GFOD1: variants seen among roughly 807,000 people sequenced by gnomAD.
GFOD1 encodes the protein Gfo/Idh/MocA-like oxidoreductase domain containing 1.
Under a neutral mutation model 25.4 loss-of-function variants are expected in GFOD1, and 9 were observed. That is an observed-to-expected ratio of 0.35 (90% CI 0.21 to 0.62). The LOEUF is 0.62. GFOD1 is among the 20% of genes least tolerant of loss of function. GFOD1 has a pLI of 0.72. For synonymous variants in GFOD1, 253 were observed against 245.6 expected (o/e 1.03, Z -0.28); for missense variants, 403 against 556.9 (o/e 0.72, Z 2.78).
At chr6:13,434,707 A>G (rs1313347018) in intron 1 of GFOD1, among the ~76,000 whole-genome samples, 1 of 152,240 alleles carries the variant, frequency 6.6e-6, no homozygotes, top group East Asian at 1.9e-4. Context: ...AGCAAAACAT[A>G]AAAGACCAGT....
At chr6:13,470,291 T>C in intron 1 of GFOD1, 3 of 1,587,364 alleles carry the variant, frequency 1.9e-6, no homozygotes, top group Non-Finnish European at 2.6e-6. Context: ...GCCAGCAGGC[T>C]GTGGCTGGAG....
At chr6:13,457,236 C>T (rs771513326) in intron 1 of GFOD1, among the ~76,000 whole-genome samples, 43 of 152,186 alleles carry the variant, frequency 2.8e-4, no homozygotes, top group Admixed American at 9.2e-4. Flanking sequence ...GAGAGGTGAC[C>T]TGGACTTTCT....
intron 1 of GFOD1, among the ~76,000 whole-genome samples, chr6:13,384,808 A>T (rs1000812090): frequency 1.3e-5 from 2 of 152,268 alleles, no homozygotes; most frequent in South Asian, 4.1e-4. Flanking sequence ...TGCCTCTTAA[A>T]GGGCTTTTGC....
chr6:13,372,941 C>T (rs192873996), intron 1 of GFOD1, among the ~76,000 whole-genome samples: 1 of 152,240 alleles, frequency 6.6e-6, no homozygotes, highest in Admixed American at 6.5e-5. Flanking sequence ...GCTGTCCCAG[C>T]AGATTGGCAG....
Position 13,364,584 on chromosome 6 carries a change from A to G in GFOD1, c.*159T>C. 1 of 652,790 alleles carries G rather than the reference A, an allele frequency of 1.5e-6. No homozygotes were observed. The highest frequency in any genetic ancestry group is 1.8e-5 in the African/African-American group (1 of 54,952). 40.4% of individuals were successfully genotyped at this position (652,790 alleles called of 1,614,324 possible). ...CCAACAGTCTGGTTTGGGGTCGGTCACCGGGATTGGAGTTTACCTTCCTAG... is the reference window on the plus strand; with the variant it reads ...CCAACAGTCTGGTTTGGGGTCGGTCGCCGGGATTGGAGTTTACCTTCCTAG... On this transcript the variant is annotated 3_prime_UTR_variant, in exon 2 of 2. Transcript: ENST00000379287. This position sits in a 1 kb window ranked among gnomAD's most constrained non-coding sequence, Gnocchi z 4.1.
rs574044436 is a variant in GFOD1 at position 13,362,288 on chromosome 6, C to T, written c.*2455G>A. On this transcript the variant is annotated 3_prime_UTR_variant, in exon 2 of 2. Coordinates refer to ENST00000379287, the MANE Select transcript of GFOD1 (RefSeq NM_018988.4). Reference sequence around the variant, plus strand: ...CCATGCTGGCTAATACAGTGAAACCCCGTCTCTACTAAAAATACAAAAAAT... The same window carrying T: ...CCATGCTGGCTAATACAGTGAAACCTCGTCTCTACTAAAAATACAAAAAAT... 2.0e-5 allele frequency: 3 copies of T among 152,012 alleles called. No individual in the cohort carries two copies. The highest frequency in any genetic ancestry group is 4.4e-5 in the Non-Finnish European group (3 of 68,012). The allele number at this position is 152,012 out of a possible 1,614,324, so 9.4% of individuals were successfully genotyped here. A position where few individuals can be genotyped will look rare whatever the true frequency, so the allele number is the denominator to read the frequency against.
chr6:13,447,675 A>T (rs546709119), intron 1 of GFOD1, among the ~76,000 whole-genome samples: 6 of 123,606 alleles, frequency 4.9e-5, no homozygotes. Context: ...CGGGAGGTAG[A>T]GGTTGCAGAG....
In GFOD1 at chr6:13,478,595, C is replaced by T. The variant is rs114699010; in HGVS notation, c.253+8043G>A. 4.3e-3 allele frequency among the ~76,000 whole-genome samples: 652 copies of T among 152,342 alleles called. 5 individuals are homozygous for T. The highest frequency in any genetic ancestry group is 0.013 in the African/African-American group (556 of 41,570). Reference sequence around the variant, plus strand: ...GCATTTGGTCATGTATCCCCCACACCGTGGGTAACCACAGGAAAGACTGAG... The same window carrying T: ...GCATTTGGTCATGTATCCCCCACACTGTGGGTAACCACAGGAAAGACTGAG... On this transcript the variant is annotated intron_variant, in intron 1 of 1. Coordinates refer to ENST00000379287, the MANE Select transcript of GFOD1 (RefSeq NM_018988.4).
chr6:13,486,561 A>G lies in GFOD1; in HGVS notation c.253+77T>C, dbSNP rs1296133126. 2.4e-6 allele frequency: 3 copies of G among 1,239,478 alleles called. No homozygotes were observed. In the African/African-American group the frequency reaches 4.4e-5, roughly 18 times the overall value. The allele number at this position is 1,239,478 out of a possible 1,614,324, so 76.8% of individuals were successfully genotyped here. Reference sequence around the variant, plus strand: ...GTAAGCTTCTGGGATGCGGAGAGGGAAAGGCAGGGGGGAAGGAACCTAGAG... The same window carrying G: ...GTAAGCTTCTGGGATGCGGAGAGGGGAAGGCAGGGGGGAAGGAACCTAGAG... On this transcript the variant is annotated intron_variant, in intron 1 of 1. Transcript: ENST00000379287.
At chr6:13,483,406 C>T (rs551390855) in intron 1 of GFOD1, among the ~76,000 whole-genome samples, 1 of 152,290 alleles carries the variant, frequency 6.6e-6, no homozygotes, top group South Asian at 2.1e-4. Context: ...GCCACCAGGA[C>T]GTGAGGCTGG....
chr6:13,407,203 C>T (rs116732853), intron 1 of GFOD1, among the ~76,000 whole-genome samples: 802 of 152,304 alleles, frequency 5.3e-3, no homozygotes, highest in Admixed American at 8.2e-3. Flanking sequence ...GCTTACAGAG[C>T]GACTGCTATG....
At chr6:13,389,363 C>T (rs1336807988) in intron 1 of GFOD1, among the ~76,000 whole-genome samples, 2 of 152,180 alleles carry the variant, frequency 1.3e-5, no homozygotes, top group Admixed American at 1.3e-4. Flanking sequence ...GGAACCAACC[C>T]AAATGTCCAT....
intron 1 of GFOD1, chr6:13,408,081 G>T (rs1242426512): frequency 1.1e-5 from 11 of 985,308 alleles, no homozygotes; most frequent in Non-Finnish European, 1.3e-5. Context: ...GCAGAAGAAC[G>T]TGGCTGAGAG....
chr6:13,369,903 T>G (rs1785115821), intron 1 of GFOD1, among the ~76,000 whole-genome samples: 1 of 152,146 alleles, frequency 6.6e-6, no homozygotes, highest in South Asian at 2.1e-4. Flanking sequence ...CTAGGAGGTT[T>G]ACTCTGATTA....
At chr6:13,409,149 G>GAAAGAAAGAAAGAAAGAAAGAA (rs369047514) in intron 1 of GFOD1, among the ~76,000 whole-genome samples, 12 of 36,464 alleles carry the variant, frequency 3.3e-4, no homozygotes, top group South Asian at 1.2e-3. Context: ...AAGAAAGAAA[G>GAAAGAAAGAAAGAAAGAAAGAA]AGAGGAAAGA....
intron 1 of GFOD1, among the ~76,000 whole-genome samples, chr6:13,480,288 A>G (rs1027804012): frequency 1.2e-4 from 18 of 152,208 alleles, no homozygotes; most frequent in Admixed American, 4.6e-4. Context: ...GAGAGTCTGC[A>G]CTGCTGTCTC....
chr6:13,460,691 G>GGATAAATATCTAATGCATGCAA (rs70989860), intron 1 of GFOD1, among the ~76,000 whole-genome samples: 21,572 of 150,520 alleles, frequency 0.14, 1,849 homozygotes, highest in South Asian at 0.24. Flanking sequence ...GAGTGTATCA[G>GGATAAATATCTAATGCATGCAA]GATAAATATC....
At chr6:13,397,519 G>A (rs1217521229) in intron 1 of GFOD1, among the ~76,000 whole-genome samples, 1 of 152,220 alleles carries the variant, frequency 6.6e-6, no homozygotes, top group African/African-American at 2.4e-5. Flanking sequence ...TAACCTGGAA[G>A]GGTGGAGGCC....
rs773217142 is a variant in GFOD1, at chr6:13,365,196, G to A, written c.720C>T (p.Asn240=). 18 of 1,613,906 alleles carry A rather than the reference G, an allele frequency of 1.1e-5. No homozygotes were observed. Among genetic ancestry groups the A allele is most frequent in the Non-Finnish European group, 1.4e-5 (17 of 1,180,012 alleles). ...GVCCTVTLNF[N]VPGEFKQDVT... ...CATCCTGCTTGAACTCGCCGGGCACGTTGAAGTTGAGGGTGACGGTGCAGC... is the reference window on the plus strand; with the variant it reads ...CATCCTGCTTGAACTCGCCGGGCACATTGAAGTTGAGGGTGACGGTGCAGC... The change falls in exon 2 of 2, where the codon AAC becomes AAT. Residue 240 remains asparagine, a synonymous_variant. Transcript: ENST00000379287. This position sits in a 1 kb window ranked among gnomAD's most constrained non-coding sequence, Gnocchi z 9.2.
Sources: gnomAD v4.1 joint callset for allele counts (sites outside exome capture counted in the v4.1 genomes callset) on GRCh38, gnomAD v4.1.1 for gene constraint, Gnocchi (gnomAD v3.1) non-coding constraint, MANE v1.5 for transcripts, NCBI Gene and HGNC (gene_info 2026-07-23, HGNC 2026-07-21) for gene names.